The following UGT1A8 variants were observed in gnomAD, a reference collection of about 807,000 sequenced individuals.
UGT1A8 encodes the protein UDP-glucuronosyltransferase 1A8.
UGT1A8 carries 39 observed loss-of-function variants against 45.3 expected under a neutral mutation model. The observed-to-expected ratio is 0.86, with a 90% CI of 0.67 to 1.12. The LOEUF is 1.12. Ranked by LOEUF, UGT1A8 falls within the 50% of genes most tolerant of loss-of-function variation. UGT1A8 has a pLI of 0.00. For synonymous variants in UGT1A8, 275 were observed against 249.2 expected, an observed-to-expected ratio of 1.10 and a Z score of -0.97; for missense variants, 719 against 664.9, an observed-to-expected ratio of 1.08 and a Z score of -0.90.
intron 1 of UGT1A8, among the ~76,000 whole-genome samples, chr2:233,706,260 G>A (rs1000917141): frequency 6.6e-6 from 1 of 152,228 alleles, no homozygotes; most frequent in Non-Finnish European, 1.5e-5. Context: ...AGGGCAGCTG[G>A]ATTGCCCAAC....
At chr2:233,692,908 T>C in intron 1 of UGT1A8, 1 of 1,553,502 alleles carries the variant, frequency 6.4e-7, no homozygotes, top group African/African-American at 1.4e-5. Flanking sequence ...ACAGGACCTG[T>C]GAAAAGCAGT....
intron 1 of UGT1A8, among the ~76,000 whole-genome samples, chr2:233,651,120 G>A (rs558087754): frequency 6.8e-4 from 103 of 152,296 alleles, no homozygotes; most frequent in Middle Eastern, 6.8e-3. Flanking sequence ...AAGAACAGGC[G>A]AGGAGATGCA....
intron 1 of UGT1A8, among the ~76,000 whole-genome samples, chr2:233,657,827 A>G (rs12988409): frequency 6.6e-6 from 1 of 152,144 alleles, no homozygotes; most frequent in African/African-American, 2.4e-5. Flanking sequence ...GGTCTATGCC[A>G]CTTTTTAAGA....
At chr2:233,692,125 C>T (rs948128229) in intron 1 of UGT1A8, 1 of 152,114 alleles carries the variant, frequency 6.6e-6, no homozygotes, top group Non-Finnish European at 1.5e-5. Context: ...TCAATCATGC[C>T]TACTATGTAT....
In UGT1A8 at chr2:233,726,943, A is replaced by T. The variant is rs548004940; in HGVS notation, c.856-40091A>T. On this transcript the variant is annotated intron_variant, in intron 1 of 4. Coordinates refer to ENST00000373450, the MANE Select transcript of UGT1A8 (RefSeq NM_019076.5). Reference sequence around the variant, plus strand: ...GATCTTCCTTTTTTCATTTTTAAAAAACAATACCTTTCAAAGAGCAAAAGT... The same window carrying T: ...GATCTTCCTTTTTTCATTTTTAAAATACAATACCTTTCAAAGAGCAAAAGT... Among the ~76,000 whole-genome samples the T allele has an allele frequency of 5.9e-5, 9 of 152,338 alleles. No individual in the cohort carries two copies. The South Asian group carries it at 1.9e-3, about 32-fold the overall frequency.
At chr2:233,639,315 A>T (rs1370701107) in intron 1 of UGT1A8, among the ~76,000 whole-genome samples, 1 of 152,234 alleles carries the variant, frequency 6.6e-6, no homozygotes, top group East Asian at 1.9e-4. Flanking sequence ...TTTTATGATT[A>T]TACCTGTAAA....
chr2:233,699,153 C>A (rs901306895), intron 1 of UGT1A8, among the ~76,000 whole-genome samples: 7 of 152,196 alleles, frequency 4.6e-5, no homozygotes, highest in Non-Finnish European at 1.0e-4. Flanking sequence ...TGCCTTGCAA[C>A]CTTTCTGTCT....
intron 1 of UGT1A8, among the ~76,000 whole-genome samples, chr2:233,627,742 T>G (rs1347955129): frequency 6.6e-6 from 1 of 151,490 alleles, no homozygotes; most frequent in Non-Finnish European, 1.5e-5. Context: ...TGGCAGGCAT[T>G]CACCACGGTA....
intron 1 of UGT1A8, chr2:233,713,853 T>C: frequency 6.2e-7 from 1 of 1,613,998 alleles, no homozygotes. Context: ...GAAGCCACTA[T>C]CTCAGGTCTG....
chr2:233,663,367 C>T (rs80314220), intron 1 of UGT1A8, among the ~76,000 whole-genome samples: 6,420 of 152,214 alleles, frequency 0.042, 161 homozygotes, highest in Non-Finnish European at 0.061. Flanking sequence ...TCCAGTAATC[C>T]AGGAGTGCTG....
At chr2:233,691,200 C>T (rs902626120) in intron 1 of UGT1A8, 11 of 985,544 alleles carry the variant, frequency 1.1e-5, no homozygotes, top group Non-Finnish European at 1.3e-5. Flanking sequence ...GACCTGAGCT[C>T]TGTTCCCTTT....
rs1699312336 is a variant in UGT1A8, at chr2:233,767,034, G to A, written c.856G>A (p.Glu286Lys). ...CTGAAAATTTTTCTTCTGGCTCTAG[G>A]AATTTGAAGCCTACATTAATGCTTC... ...NCHQGKPLPMEFEAYINASGE... is the reference protein window; with the variant it reads ...NCHQGKPLPMKFEAYINASGE... The change falls in exon 2 of 5, where the codon GAA becomes AAA. Residue 286 changes from glutamate (E) to lysine (K), a missense_variant and splice_region_variant. Physicochemically the swap from Glu to Lys is moderately conservative, Grantham distance 56. Transcript: ENST00000373450. 16 of 1,614,030 alleles carry A rather than the reference G, an allele frequency of 9.9e-6. No homozygotes were observed. The highest frequency in any genetic ancestry group is 1.4e-5 in the Non-Finnish European group (16 of 1,180,002).
chr2:233,770,355 G>C (rs1271934216), intron 4 of UGT1A8: 2 of 152,122 alleles, frequency 1.3e-5, no homozygotes, highest in African/African-American at 4.8e-5. Flanking sequence ...ACTATTGAAT[G>C]AATGAATGAA....
intron 1 of UGT1A8, chr2:233,729,110 C>T: frequency 6.2e-7 from 1 of 1,612,868 alleles, no homozygotes; most frequent in Non-Finnish European, 8.5e-7. Context: ...AGTCAGCTGT[C>T]CGTGTCTTCT....
intron 1 of UGT1A8, among the ~76,000 whole-genome samples, chr2:233,680,491 A>G (rs142850766): frequency 0.018 from 2,813 of 152,292 alleles, 49 homozygotes; most frequent in Admixed American, 0.037. Flanking sequence ...GGAAGGAACC[A>G]TCTTGTGCTT....
At chr2:233,633,659 C>T (rs367967933) in intron 1 of UGT1A8, among the ~76,000 whole-genome samples, 6 of 152,170 alleles carry the variant, frequency 3.9e-5, no homozygotes, top group African/African-American at 1.4e-4. Flanking sequence ...GGTTATCTCC[C>T]CTTTATCATT....
At chr2:233,747,683 T>C (rs1401123315) in intron 1 of UGT1A8, 4 of 1,608,556 alleles carry the variant, frequency 2.5e-6, no homozygotes, top group Middle Eastern at 1.7e-4. Flanking sequence ...TTTACCTCTG[T>C]GGGGCAGTGC....
intron 1 of UGT1A8, chr2:233,691,019 G>A (rs149229244): frequency 8.9e-5 from 88 of 992,638 alleles, no homozygotes; most frequent in Non-Finnish European, 1.0e-4. Flanking sequence ...GGCTGTGGTT[G>A]GAAGGGCTCA....
At chr2:233,638,204 A>T (rs2073353363) in intron 1 of UGT1A8, among the ~76,000 whole-genome samples, 1 of 152,134 alleles carries the variant, frequency 6.6e-6, no homozygotes, top group African/African-American at 2.4e-5. Flanking sequence ...ATCTTGTTTT[A>T]TATACATAAA....
Sources: allele counts gnomAD v4.1 joint callset (sites outside exome capture counted in the v4.1 genomes callset), GRCh38; gene constraint gnomAD v4.1.1; transcripts MANE v1.5; gene names NCBI Gene and HGNC (gene_info 2026-07-23, HGNC 2026-07-21).